Variants in OPCML observed in about 807,000 individuals in gnomAD.
OPCML encodes the protein opioid-binding protein/cell adhesion molecule.
A neutral mutation model predicts 37.8 loss-of-function variants in OPCML; 13 were observed. The ratio of observed to expected loss-of-function variants is 0.34; its 90% CI spans 0.22 to 0.55. OPCML has a LOEUF of 0.55. Among genes scored for constraint, OPCML ranks in the 20% least tolerant of loss-of-function variants. The probability of loss-of-function intolerance (pLI) is 0.91; values close to 1 mark genes in which losing one functional copy is unlikely to be tolerated. For missense variants in OPCML, 341 were observed against 435.6 expected (o/e 0.78, Z 1.93); for synonymous variants, 176 against 168.8 (o/e 1.04, Z -0.33).
chr11:133,307,508 C>T (rs1404830016), intron 1 of OPCML, among the ~76,000 whole-genome samples: 31 of 152,152 alleles, frequency 2.0e-4, no homozygotes, highest in Admixed American at 2.0e-3. Context: ...TGTTTTTCTG[C>T]ACTGCACTTG....
intron 1 of OPCML, among the ~76,000 whole-genome samples, chr11:133,404,930 T>G (rs894285870): frequency 6.6e-6 from 1 of 152,230 alleles, no homozygotes; most frequent in Admixed American, 6.5e-5. Flanking sequence ...GTAGAAATTA[T>G]GGGAATCATA....
At chr11:132,797,011 C>A (rs1938364355) in intron 2 of OPCML, among the ~76,000 whole-genome samples, 1 of 152,144 alleles carries the variant, frequency 6.6e-6, no homozygotes, top group Non-Finnish European at 1.5e-5. Context: ...AGATAAAAAT[C>A]TCTTAACAAA....
intron 1 of OPCML, among the ~76,000 whole-genome samples, chr11:133,311,281 G>A (rs1444029885): frequency 6.6e-6 from 1 of 152,186 alleles, no homozygotes; most frequent in Non-Finnish European, 1.5e-5. Context: ...AGGGAAGAGA[G>A]GTGGTTTACT....
intron 1 of OPCML, among the ~76,000 whole-genome samples, chr11:133,048,651 A>G (rs1948069263): frequency 6.6e-6 from 1 of 152,184 alleles, no homozygotes; most frequent in Admixed American, 6.5e-5. Flanking sequence ...CTATGGGTTC[A>G]TGGTTCTTAC....
chr11:133,257,612 A>G (rs1666722086), intron 1 of OPCML, among the ~76,000 whole-genome samples: 6 of 152,170 alleles, frequency 3.9e-5, no homozygotes, highest in Admixed American at 3.9e-4. Flanking sequence ...AGCACCTCTC[A>G]ACTGAGATTA....
chr11:132,966,811 T>C (rs1433929852), intron 1 of OPCML, among the ~76,000 whole-genome samples: 1 of 152,116 alleles, frequency 6.6e-6, no homozygotes, highest in Non-Finnish European at 1.5e-5. Context: ...TGTCCTTCAA[T>C]CTGCAGTAAA....
At chr11:133,424,066 C>T (rs1413006100) in intron 1 of OPCML, among the ~76,000 whole-genome samples, 3 of 152,172 alleles carry the variant, frequency 2.0e-5, no homozygotes, top group African/African-American at 7.2e-5. Context: ...TTAATAGCAA[C>T]ACAAATGAGC....
intron 4 of OPCML, among the ~76,000 whole-genome samples, chr11:132,456,030 G>A (rs2096081801): frequency 6.6e-6 from 1 of 152,120 alleles, no homozygotes; most frequent in Non-Finnish European, 1.5e-5. Context: ...GTAGAGGGGA[G>A]GTATAGGAAT....
At chr11:132,856,328 T>G (rs151157704) in intron 2 of OPCML, among the ~76,000 whole-genome samples, 175 of 152,196 alleles carry the variant, frequency 1.1e-3, no homozygotes, top group African/African-American at 4.1e-3. Flanking sequence ...ATGGCGTAAA[T>G]GTAAACAAAA....
chr11:133,386,160 T>C (rs1945044753), intron 1 of OPCML, among the ~76,000 whole-genome samples: 1 of 152,212 alleles, frequency 6.6e-6, no homozygotes, highest in Non-Finnish European at 1.5e-5. Flanking sequence ...AGCTTACCAT[T>C]GTTACAACGC....
intron 1 of OPCML, among the ~76,000 whole-genome samples, chr11:133,313,571 C>T (rs993183660): frequency 6.6e-6 from 1 of 152,180 alleles, no homozygotes; most frequent in African/African-American, 2.4e-5. Context: ...CATCCTGGAA[C>T]ATTTCCAGGC....
At chr11:132,736,181 G>A (rs557781796) in intron 2 of OPCML, among the ~76,000 whole-genome samples, 56 of 152,216 alleles carry the variant, frequency 3.7e-4, no homozygotes, top group Admixed American at 3.2e-3. Context: ...GTGTGTGAGA[G>A]TATGTGTGCC....
intron 3 of OPCML, among the ~76,000 whole-genome samples, chr11:132,559,619 T>C (rs1028610243): frequency 6.6e-6 from 1 of 151,918 alleles, no homozygotes; most frequent in East Asian, 1.9e-4. Context: ...TTAATAAAAA[T>C]GGAATGAAAG....
At chr11:133,157,096 T>C (rs1950072694) in intron 1 of OPCML, among the ~76,000 whole-genome samples, 1 of 151,978 alleles carries the variant, frequency 6.6e-6, no homozygotes, top group Non-Finnish European at 1.5e-5. Context: ...GGTCACCCAA[T>C]GGCAAAATCT....
chr11:133,054,952 G>T (rs1208637832), intron 1 of OPCML, among the ~76,000 whole-genome samples: 1 of 151,102 alleles, frequency 6.6e-6, no homozygotes, highest in Admixed American at 6.6e-5. Flanking sequence ...ACTTCCAAGT[G>T]GTGAGACCCC....
At chr11:132,663,978 G>T (rs532025471) in intron 2 of OPCML, among the ~76,000 whole-genome samples, 1 of 152,128 alleles carries the variant, frequency 6.6e-6, no homozygotes, top group South Asian at 2.1e-4. Flanking sequence ...GATTACAGGC[G>T]CCCGCCACCA....
intron 2 of OPCML, among the ~76,000 whole-genome samples, chr11:132,907,062 C>G (rs183133770): frequency 7.2e-5 from 11 of 152,284 alleles, no homozygotes; most frequent in Admixed American, 6.5e-4. Flanking sequence ...CTCCTACTAA[C>G]CAGATTTTCC....
intron 1 of OPCML, among the ~76,000 whole-genome samples, chr11:133,423,757 G>A (rs1475248619): frequency 6.6e-6 from 1 of 152,142 alleles, no homozygotes; most frequent in Admixed American, 6.5e-5. Context: ...GAAGTGTTTG[G>A]ATCATGGGGA....
At chr11:132,850,930 A>G (rs965520527) in intron 2 of OPCML, among the ~76,000 whole-genome samples, 4 of 152,234 alleles carry the variant, frequency 2.6e-5, no homozygotes, top group Non-Finnish European at 5.9e-5. Flanking sequence ...TAGGCAAAGA[A>G]GATAATATAG....
Sources: allele counts gnomAD v4.1 joint callset (sites outside exome capture counted in the v4.1 genomes callset), GRCh38; gene constraint gnomAD v4.1.1; transcripts MANE v1.5; gene names NCBI Gene and HGNC (gene_info 2026-07-23, HGNC 2026-07-21).